Variants in CST8 observed in about 807,000 individuals in gnomAD.
CST8 encodes cystatin-8.
In CST8, 20 loss-of-function variants were observed where a neutral mutation model predicts 11.8. The ratio of observed to expected loss-of-function variants is 1.70; its 90% CI spans 1.20 to 2.47. The LOEUF (loss-of-function observed/expected upper bound fraction) is 2.47, where lower values mean the gene tolerates loss of function less well. CST8 is among the 30% of genes most tolerant of loss of function. The pLI, the probability that CST8 is intolerant of heterozygous loss-of-function variation, is 0.00. For synonymous variants in CST8, 77 were observed against 63.1 expected (o/e 1.22, Z -1.05); for missense variants, 196 against 167.2 (o/e 1.17, Z -0.95).
chr20:23,501,664 A>C, the CST8 span, among the ~76,000 whole-genome samples: 2 of 152,248 alleles, frequency 1.3e-5, no homozygotes, highest in Admixed American at 6.5e-5. Flanking sequence ...AGAAGGCGAC[A>C]CTGCGAATGT....
the CST8 span, among the ~76,000 whole-genome samples, chr20:23,504,812 G>C: frequency 6.6e-6 from 1 of 152,088 alleles, no homozygotes; most frequent in Non-Finnish European, 1.5e-5. Flanking sequence ...ATTCCTGACA[G>C]GAAGATTTAA....
downstream of CST8, among the ~76,000 whole-genome samples, chr20:23,499,528 G>A (rs902267647): frequency 6.6e-6 from 1 of 152,230 alleles, no homozygotes; most frequent in African/African-American, 2.4e-5. Flanking sequence ...GTCATGGGGA[G>A]CTCTGAATGC....
chr20:23,498,886 G>A (rs1988121934), downstream of CST8, among the ~76,000 whole-genome samples: 2 of 152,208 alleles, frequency 1.3e-5, no homozygotes, highest in African/African-American at 4.8e-5. Context: ...AGGAAGTCAT[G>A]AGCCATGAGG....
At chr20:23,505,612 T>C in the CST8 span, among the ~76,000 whole-genome samples, 2 of 152,236 alleles carry the variant, frequency 1.3e-5, no homozygotes, top group African/African-American at 4.8e-5. Flanking sequence ...GGGTTGAGCA[T>C]GGGGCCACAC....
chr20:23,498,584 C>T (rs1192439167), downstream of CST8, among the ~76,000 whole-genome samples: 4 of 152,118 alleles, frequency 2.6e-5, no homozygotes, highest in Admixed American at 2.0e-4. Context: ...TGGAACTTGC[C>T]TTGGAAAGCC....
the CST8 span, among the ~76,000 whole-genome samples, chr20:23,504,240 G>A: frequency 6.6e-6 from 1 of 152,130 alleles, no homozygotes; most frequent in Admixed American, 6.5e-5. Context: ...TAGCTACAGG[G>A]TGCCATGTGC....
At chr20:23,500,743 G>C (rs1157758407), downstream of CST8, among the ~76,000 whole-genome samples, 1 of 149,208 alleles carries the variant, frequency 6.7e-6, no homozygotes, top group East Asian at 2.0e-4. Context: ...CTGGACCTCT[G>C]TGTGGTGGGG....
the CST8 span, among the ~76,000 whole-genome samples, chr20:23,505,139 CTTTTTTTTTTTTTTT>C: frequency 1.2e-5 from 1 of 82,030 alleles, no homozygotes; most frequent in Non-Finnish European, 2.3e-5. Flanking sequence ...AAGAAGCATT[CTTTTTTTTTTTTTTT>C]TTTTTTTTGA....
chr20:23,492,134 A>G (rs908268549), intron 2 of CST8, among the ~76,000 whole-genome samples: 4 of 152,232 alleles, frequency 2.6e-5, no homozygotes, highest in African/African-American at 9.6e-5. Context: ...TTTAAACCCC[A>G]AACTGCAAAT....
chr20:23,496,018 C>T (rs1988038660), downstream of CST8: 10 of 863,460 alleles, frequency 1.2e-5, no homozygotes, highest in East Asian at 5.0e-5. Context: ...TCATGCATGC[C>T]TCTCTGCTTG....
downstream of CST8, among the ~76,000 whole-genome samples, chr20:23,497,166 G>T (rs899967865): frequency 2.0e-5 from 3 of 152,208 alleles, no homozygotes; most frequent in Admixed American, 2.0e-4. Context: ...TTTATGTTCA[G>T]AGATTGCAGT....
the CST8 span, among the ~76,000 whole-genome samples, chr20:23,505,226 C>T: frequency 6.1e-5 from 9 of 147,250 alleles, no homozygotes; most frequent in Non-Finnish European, 8.9e-5. Context: ...CTCACTGCAA[C>T]CTCCGCCTCC....
At chr20:23,500,323 G>A (rs1340486849), downstream of CST8, among the ~76,000 whole-genome samples, 4 of 152,108 alleles carry the variant, frequency 2.6e-5, no homozygotes, top group Non-Finnish European at 5.9e-5. Flanking sequence ...CACAGGGACA[G>A]CAGCAGCATA....
downstream of CST8, among the ~76,000 whole-genome samples, chr20:23,498,323 T>C (rs1470525737): frequency 6.6e-5 from 10 of 152,226 alleles, no homozygotes; most frequent in African/African-American, 2.2e-4. Context: ...TAGATGTATC[T>C]ATTTTAAACA....
downstream of CST8, among the ~76,000 whole-genome samples, chr20:23,498,593 C>T (rs944912941): frequency 1.1e-4 from 17 of 152,122 alleles, no homozygotes; most frequent in African/African-American, 4.1e-4. Context: ...CCTTGGAAAG[C>T]CTCTGCTGTT....
downstream of CST8, among the ~76,000 whole-genome samples, chr20:23,498,894 A>G (rs1055890471): frequency 1.3e-5 from 2 of 152,202 alleles, no homozygotes; most frequent in African/African-American, 4.8e-5. Context: ...ATGAGCCATG[A>G]GGAACAGCAG....
At chr20:23,493,999 T>G (rs140632779) in intron 3 of CST8, among the ~76,000 whole-genome samples, 49 of 152,334 alleles carry the variant, frequency 3.2e-4, no homozygotes, top group African/African-American at 1.2e-3. Context: ...CACTGCTTTA[T>G]GCACTGCCAT....
the CST8 span, among the ~76,000 whole-genome samples, chr20:23,505,650 C>T: frequency 6.4e-3 from 982 of 152,318 alleles, 9 homozygotes; most frequent in African/African-American, 0.022. Context: ...GATTCTGGCT[C>T]ATTCCCTGAG....
At chr20:23,496,953 G>A (rs1034384162), downstream of CST8, among the ~76,000 whole-genome samples, 5 of 152,094 alleles carry the variant, frequency 3.3e-5, no homozygotes, top group Non-Finnish European at 7.4e-5. Flanking sequence ...TTTTTTCAAG[G>A]TGCCCAGATT....
Sources: gnomAD v4.1 joint callset for allele counts (sites outside exome capture counted in the v4.1 genomes callset) on GRCh38, gnomAD v4.1.1 for gene constraint, MANE v1.5 for transcripts, NCBI Gene and HGNC (gene_info 2026-07-23, HGNC 2026-07-21) for gene names.